Variants in CWF19L1 observed in about 807,000 individuals in gnomAD.
CWF19L1 encodes CWF19-like protein 1.
In CWF19L1, 60 loss-of-function variants were observed where a neutral mutation model predicts 69.7. That is an observed-to-expected ratio of 0.86 (90% CI 0.70 to 1.07). The LOEUF is 1.07. CWF19L1 is among the 50% of genes least tolerant of loss of function. CWF19L1 has a pLI of 0.00. For synonymous variants in CWF19L1, 209 were observed against 222.2 expected (o/e 0.94, Z 0.53); for missense variants, 591 against 638.9 (o/e 0.92, Z 0.81).
chr10:100,233,416 G>C (rs769606230), intron 13 of CWF19L1, 45 bp from the exon 14 acceptor site: 2 of 1,590,192 alleles, frequency 1.3e-6, no homozygotes, highest in South Asian at 1.1e-5. Flanking sequence ...CTATCAGCCT[G>C]AGCTCTCCTC....
chr10:100,257,625 A>G (rs984880084), intron 4 of CWF19L1, among the ~76,000 whole-genome samples: 1 of 151,872 alleles, frequency 6.6e-6, no homozygotes, highest in African/African-American at 2.4e-5. Context: ...AACCCCCTGC[A>G]ATCAGTTTCC....
Position 100,238,018 on chromosome 10 carries a change from C to T in CWF19L1, c.1254+4G>A, listed in dbSNP as rs1846504200. 1.2e-6 allele frequency: 2 copies of T among 1,613,864 alleles called. No homozygotes were observed. Among genetic ancestry groups the T allele is most frequent in the East Asian group, 4.5e-5 (2 of 44,890 alleles). ...TTCCAAGTTTCTATGAACAGACCAC[C>T]TACCTGTAGCTGGAGGTGATGGCTC... On this transcript the variant is annotated splice_donor_region_variant and intron_variant, in intron 11 of 13. Transcript: ENST00000354105.
intron 1 of CWF19L1, among the ~76,000 whole-genome samples, chr10:100,262,720 A>G (rs1399372720): frequency 1.3e-5 from 2 of 152,178 alleles, no homozygotes; most frequent in Admixed American, 1.3e-4. Context: ...AAATGGCAAG[A>G]GCTGACATTG....
In CWF19L1 at chr10:100,262,202, A is replaced by T. The variant is rs2134323984; in HGVS notation, c.24-139T>A. On this transcript the variant is annotated intron_variant, in intron 1 of 13. Coordinates refer to ENST00000354105, the MANE Select transcript of CWF19L1 (RefSeq NM_018294.6). ...TACCTTGCAAGGTTCAGTGCACGTA[A>T]ACCACTGGGCAGATCCACTGAGGGT... 2.2e-6 allele frequency: 3 copies of T among 1,390,072 alleles called. No individual in the cohort carries two copies. The East Asian group carries it at 8.5e-5, about 40-fold the overall frequency. 86.1% of individuals were successfully genotyped at this position (1,390,072 alleles called of 1,614,324 possible). A position where few individuals can be genotyped will look rare whatever the true frequency, so the allele number is the denominator to read the frequency against.
chr10:100,243,624 G>T, intron 10 of CWF19L1, 74 bp downstream of exon 10: 1 of 1,272,814 alleles, frequency 7.9e-7, no homozygotes, highest in South Asian at 1.2e-5. Context: ...GTTATATGTA[G>T]ATTATGCCTC....
intron 1 of CWF19L1, 77 bp from the exon 2 acceptor site, chr10:100,262,140 T>C (rs2134323874): frequency 6.5e-7 from 1 of 1,533,854 alleles, no homozygotes; most frequent in Non-Finnish European, 8.7e-7. Flanking sequence ...ACTGGTCTTT[T>C]GGATTAGATA....
intron 13 of CWF19L1, among the ~76,000 whole-genome samples, chr10:100,234,715 C>G (rs1243184728): frequency 6.6e-6 from 1 of 152,218 alleles, no homozygotes; most frequent in African/African-American, 2.4e-5. Context: ...ACACCAGCAT[C>G]AGATACTCTG....
intron 4 of CWF19L1, among the ~76,000 whole-genome samples, chr10:100,258,978 G>A (rs929021398): frequency 4.0e-5 from 6 of 151,592 alleles, no homozygotes; most frequent in Middle Eastern, 7.0e-3. Context: ...TGAGGCAGGC[G>A]GGTCACCAGG....
In CWF19L1 at chr10:100,233,107, C is replaced by T; in HGVS notation, c.*120G>A. On this transcript the variant is annotated 3_prime_UTR_variant, in exon 14 of 14. Coordinates refer to ENST00000354105, the MANE Select transcript of CWF19L1 (RefSeq NM_018294.6). ...AGGCTACAGTGAGCCACAGTTATGC[C>T]ACTGCAATCCTGCTTGGGTGACAGA... 2 of 1,013,630 alleles carry T rather than the reference C, an allele frequency of 2.0e-6. No homozygotes were observed. Among genetic ancestry groups the T allele is most frequent in the African/African-American group, 1.6e-5 (1 of 60,796 alleles). 62.8% of individuals were successfully genotyped at this position (1,013,630 alleles called of 1,614,324 possible).
intron 1 of CWF19L1, among the ~76,000 whole-genome samples, chr10:100,264,598 T>G (rs866975473): frequency 1.4e-5 from 2 of 139,324 alleles, no homozygotes; most frequent in Non-Finnish European, 3.1e-5. Context: ...TAGAGTACAC[T>G]CCTACGTATT....
At chr10:100,248,797 G>A in intron 7 of CWF19L1, 2 of 1,414,436 alleles carry the variant, frequency 1.4e-6, no homozygotes, top group Non-Finnish European at 2.0e-6. Flanking sequence ...GGAGTTCACA[G>A]AAGCAGTGGA....
rs1038274681 is a variant in CWF19L1, at chr10:100,235,693, T to C, written c.1446A>G (p.Lys482=). 6.2e-7 allele frequency: 1 copy of C among 1,612,224 alleles called. No individual in the cohort carries two copies. Residue 482 remains lysine (K), a synonymous_variant, in exon 13 of 14, where the codon AAA becomes AAG. Coordinates refer to ENST00000354105, the MANE Select transcript of CWF19L1 (RefSeq NM_018294.6). ...DTGEKLFHRI[K]KNFPLQFGRE... is the part of the protein sequence containing the mutation. ...TTCCAAACTGCAAAGGAAAATTCTTTTTAATTCTGTGGAAAAGCTTTTCTC... is the reference window on the plus strand; with the variant it reads ...TTCCAAACTGCAAAGGAAAATTCTTCTTAATTCTGTGGAAAAGCTTTTCTC...
At chr10:100,258,930 C>A (rs1486089800) in intron 4 of CWF19L1, among the ~76,000 whole-genome samples, 1 of 147,666 alleles carries the variant, frequency 6.8e-6, no homozygotes, top group South Asian at 2.1e-4. Context: ...AAGCCGAGCA[C>A]AGTGGCTCAC....
At chr10:100,254,744 A>C (rs1459152355) in intron 5 of CWF19L1, 1 of 152,050 alleles carries the variant, frequency 6.6e-6, no homozygotes, top group East Asian at 1.9e-4. Flanking sequence ...AAGGGGCCTC[A>C]TTTTCTCATC....
intron 7 of CWF19L1, among the ~76,000 whole-genome samples, chr10:100,247,725 T>C (rs1234921647): frequency 1.3e-5 from 2 of 152,180 alleles, no homozygotes; most frequent in South Asian, 4.1e-4. Flanking sequence ...AGAAATCCCA[T>C]CTCTACTAAA....
intron 9 of CWF19L1, among the ~76,000 whole-genome samples, chr10:100,244,634 C>T (rs1846750692): frequency 6.6e-6 from 1 of 151,954 alleles, no homozygotes. Context: ...GGATTATAGG[C>T]GTGAGCCACC....
chr10:100,242,006 A>G (rs1362791449), intron 10 of CWF19L1, among the ~76,000 whole-genome samples: 3 of 152,216 alleles, frequency 2.0e-5, no homozygotes, highest in Admixed American at 1.3e-4. Context: ...AAAAAGAACA[A>G]TGGTCTACAG....
chr10:100,252,344 A>G (rs1847064502), intron 6 of CWF19L1, among the ~76,000 whole-genome samples: 1 of 152,090 alleles, frequency 6.6e-6, no homozygotes, highest in African/African-American at 2.4e-5. Flanking sequence ...CTGAGGCAGG[A>G]GAATGGCATG....
At chr10:100,256,176 T>C in intron 5 of CWF19L1, 86 bp downstream of exon 5, 2 of 1,003,280 alleles carry the variant, frequency 2.0e-6, no homozygotes, top group South Asian at 1.4e-5. Context: ...GCTAAAATAC[T>C]CAATATAAAC....
Sources: gnomAD v4.1 joint callset for allele counts (sites outside exome capture counted in the v4.1 genomes callset) on GRCh38, gnomAD v4.1.1 for gene constraint, MANE v1.5 for transcripts, NCBI Gene and HGNC (gene_info 2026-07-23, HGNC 2026-07-21) for gene names.